The following RGS7BP variants were observed in gnomAD, a reference collection of about 807,000 sequenced individuals.
RGS7BP encodes the protein regulator of G protein signaling 7 binding protein.
In RGS7BP, 9 loss-of-function variants were observed where a neutral mutation model predicts 31.3. The observed-to-expected ratio is 0.29, with a 90% CI of 0.17 to 0.50. The LOEUF is 0.50. Among genes scored for constraint, RGS7BP ranks in the 20% least tolerant of loss-of-function variants. RGS7BP has a pLI of 0.98. For missense variants in RGS7BP, 274 were observed against 322.0 expected (o/e 0.85, Z 1.14); for synonymous variants, 115 against 120.1 (o/e 0.96, Z 0.28).
intron 2 of RGS7BP, among the ~76,000 whole-genome samples, chr5:64,508,205 T>C (rs1748746086): frequency 6.6e-6 from 1 of 152,208 alleles, no homozygotes; most frequent in African/African-American, 2.4e-5. Flanking sequence ...TAAATCATCT[T>C]GCCTCAAAAT....
intron 3 of RGS7BP, among the ~76,000 whole-genome samples, chr5:64,593,682 G>C (rs548633686): frequency 4.2e-4 from 64 of 152,268 alleles, no homozygotes; most frequent in African/African-American, 1.2e-3. Flanking sequence ...AGCACTGTAA[G>C]CTCCATGAGA....
At chr5:64,561,201 T>C (rs1350797599) in intron 2 of RGS7BP, among the ~76,000 whole-genome samples, 1 of 152,118 alleles carries the variant, frequency 6.6e-6, no homozygotes, top group Non-Finnish European at 1.5e-5. Flanking sequence ...AAAATAACAT[T>C]GTACACTTAT....
intron 2 of RGS7BP, among the ~76,000 whole-genome samples, chr5:64,526,986 G>GTAA (rs1749246236): frequency 6.6e-6 from 1 of 152,132 alleles, no homozygotes; most frequent in South Asian, 2.1e-4. Flanking sequence ...ACATAAAGAA[G>GTAA]CACTTCTCTT....
chr5:64,601,812 T>C (rs1347975832), intron 5 of RGS7BP, among the ~76,000 whole-genome samples: 1 of 152,008 alleles, frequency 6.6e-6, no homozygotes, highest in Non-Finnish European at 1.5e-5. Context: ...TAAAAGGAGA[T>C]TGGAAAGTGA....
At chr5:64,604,030 G>A (rs758863408) in intron 5 of RGS7BP, among the ~76,000 whole-genome samples, 8 of 152,196 alleles carry the variant, frequency 5.3e-5, no homozygotes, top group Non-Finnish European at 1.2e-4. Context: ...AAGTGCAAAG[G>A]CAGCAGGCAA....
intron 2 of RGS7BP, among the ~76,000 whole-genome samples, chr5:64,556,508 T>C (rs1741932077): frequency 6.7e-6 from 1 of 150,274 alleles, no homozygotes; most frequent in South Asian, 2.1e-4. Flanking sequence ...AATGTCCAGA[T>C]GGTTAGTTTG....
intron 2 of RGS7BP, among the ~76,000 whole-genome samples, chr5:64,514,874 G>A (rs1370899569): frequency 2.6e-5 from 4 of 152,190 alleles, no homozygotes; most frequent in African/African-American, 9.6e-5. Flanking sequence ...TTAGCAACTT[G>A]ACTAAATGTG....
chr5:64,518,408 AG>A (rs1749027655), intron 2 of RGS7BP, among the ~76,000 whole-genome samples: 4 of 151,764 alleles, frequency 2.6e-5, no homozygotes, highest in African/African-American at 9.7e-5. Flanking sequence ...AACAAAAGAG[AG>A]TATTTCAGAT....
At chr5:64,534,744 T>C (rs573941406) in intron 2 of RGS7BP, among the ~76,000 whole-genome samples, 40 of 152,260 alleles carry the variant, frequency 2.6e-4, no homozygotes, top group Non-Finnish European at 3.4e-4. Flanking sequence ...ATAATGTCCA[T>C]TAGGACAAAT....
rs572840170 is a variant in RGS7BP at position 64,586,306 on chromosome 5, T to C, written c.464-8404T>C. Among the ~76,000 whole-genome samples, 3 of 152,164 alleles carry C rather than the reference T, an allele frequency of 2.0e-5. No individual in the cohort carries two copies. The East Asian group carries it at 5.8e-4, about 29-fold the overall frequency. ...CTCCAGTCTCATATCTCACCAGTAA[T>C]CCCCACCTCGCCTGCCCTTATACCC... On this transcript the variant is annotated intron_variant, in intron 3 of 5. Coordinates refer to ENST00000334025, the MANE Select transcript of RGS7BP (RefSeq NM_001029875.3).
intron 4 of RGS7BP, among the ~76,000 whole-genome samples, chr5:64,595,406 G>C (rs542503598): frequency 1.3e-5 from 2 of 152,294 alleles, no homozygotes; most frequent in African/African-American, 4.8e-5. Flanking sequence ...CAAGGTGGCT[G>C]ATGGCCCCTC....
intron 5 of RGS7BP, among the ~76,000 whole-genome samples, chr5:64,600,853 G>T (rs2111973144): frequency 6.6e-6 from 1 of 152,298 alleles, no homozygotes; most frequent in African/African-American, 2.4e-5. Context: ...GACTGTGTCT[G>T]AACTGGAGGA....
intron 3 of RGS7BP, among the ~76,000 whole-genome samples, chr5:64,577,870 C>T (rs1742478818): frequency 6.6e-6 from 1 of 152,144 alleles, no homozygotes; most frequent in Non-Finnish European, 1.5e-5. Context: ...ATTGGCTGCA[C>T]CTGCAGGATT....
chr5:64,595,452 C>T (rs971920336), intron 4 of RGS7BP, among the ~76,000 whole-genome samples: 1 of 152,096 alleles, frequency 6.6e-6, no homozygotes, highest in Non-Finnish European at 1.5e-5. Flanking sequence ...TTCTTAACTT[C>T]AGTAGCTCAC....
At chr5:64,571,932 T>C (rs886453799) in intron 2 of RGS7BP, among the ~76,000 whole-genome samples, 11 of 152,108 alleles carry the variant, frequency 7.2e-5, no homozygotes, top group Admixed American at 2.0e-4. Context: ...TTAATCAAAA[T>C]GGTTAAGCTC....
In RGS7BP at chr5:64,522,683, T is replaced by C. The variant is rs950099901; in HGVS notation, c.332+14806T>C. Among the ~76,000 whole-genome samples the C allele has an allele frequency of 4.6e-5, 7 of 152,248 alleles. No homozygotes were observed. The South Asian group carries it at 1.4e-3, about 32-fold the overall frequency. The stretch of plus-strand genomic sequence containing the variant: ...ATCAACTGTTTCTATATTCATAGAT[T>C]CAATCTTTTGTTTTCTGAGGATGAA... On this transcript the variant is annotated intron_variant, in intron 2 of 5. Transcript: ENST00000334025.
At chr5:64,597,411 G>C (rs942210800) in intron 4 of RGS7BP, among the ~76,000 whole-genome samples, 6 of 151,810 alleles carry the variant, frequency 4.0e-5, no homozygotes, top group African/African-American at 1.5e-4. Flanking sequence ...ACCCAGGTGG[G>C]GTTGTTTTCC....
intron 2 of RGS7BP, among the ~76,000 whole-genome samples, chr5:64,511,094 G>C (rs1051272973): frequency 3.0e-4 from 45 of 152,346 alleles, no homozygotes; most frequent in African/African-American, 1.1e-3. Context: ...AAAACAAGGA[G>C]TTAGCATTAA....
Position 64,506,585 on chromosome 5 carries a change from C to T in RGS7BP, c.-40C>T. 1 of 1,542,878 alleles carries T rather than the reference C, an allele frequency of 6.5e-7. No homozygotes were observed. Among genetic ancestry groups the T allele is most frequent in the Non-Finnish European group, 8.8e-7 (1 of 1,135,244 alleles). ...AACAACCGGGCCGCCCGCGCCGGGGCGCACTGCACCAGCGGCTTCGGCTTG... is the reference window on the plus strand; with the variant it reads ...AACAACCGGGCCGCCCGCGCCGGGGTGCACTGCACCAGCGGCTTCGGCTTG... On this transcript the variant is annotated 5_prime_UTR_variant, in exon 1 of 6. Transcript: ENST00000334025. The surrounding 1 kb of genome is among the most constrained non-coding windows in gnomAD (Gnocchi z 4.6).
Sources: gnomAD v4.1 joint callset for allele counts (sites outside exome capture counted in the v4.1 genomes callset) on GRCh38, gnomAD v4.1.1 for gene constraint, Gnocchi (gnomAD v3.1) non-coding constraint, MANE v1.5 for transcripts, NCBI Gene and HGNC (gene_info 2026-07-23, HGNC 2026-07-21) for gene names.